Variants in PINX1 observed in about 807,000 individuals in gnomAD.
PINX1 encodes the protein PIN2/TERF1-interacting telomerase inhibitor 1.
PINX1 carries 34 observed loss-of-function variants against 25.4 expected under a neutral mutation model. The observed-to-expected ratio is 1.34, with a 90% confidence interval of 1.02 to 1.78. The LOEUF (loss-of-function observed/expected upper bound fraction) is 1.78, where lower values mean the gene tolerates loss of function less well. Ranked by LOEUF, PINX1 falls within the 40% of genes most tolerant of loss-of-function variation. The pLI, the probability that PINX1 is intolerant of heterozygous loss-of-function variation, is 0.00. For missense variants in PINX1, 592 were observed against 404.9 expected (o/e 1.46, Z -3.97); for synonymous variants, 197 against 147.7 (o/e 1.33, Z -2.42).
intron 6 of PINX1, among the ~76,000 whole-genome samples, chr8:10,800,123 A>G (rs1802219866): frequency 6.6e-6 from 1 of 152,174 alleles, no homozygotes; most frequent in Non-Finnish European, 1.5e-5. Flanking sequence ...TTTTGATGGA[A>G]ATAACATTTT....
At chr8:10,769,555 TCACCCAAAG>T (rs1046141020) in intron 6 of PINX1, among the ~76,000 whole-genome samples, 1 of 152,158 alleles carries the variant, frequency 6.6e-6, no homozygotes, top group Non-Finnish European at 1.5e-5. Flanking sequence ...TGAGGAAGCT[TCACCCAAAG>T]TGATCAGGCC....
rs529713839 is a variant in PINX1 at position 10,817,883 on chromosome 8, C to CT, written c.471+2309dup. 1.2e-3 allele frequency among the ~76,000 whole-genome samples: 189 copies of CT among 152,292 alleles called. 1 individual carries two copies. The highest frequency in any genetic ancestry group is 4.1e-3 in the African/African-American group (171 of 41,560). On this transcript the variant is annotated intron_variant, in intron 6 of 6. Coordinates refer to ENST00000314787, the MANE Select transcript of PINX1 (RefSeq NM_017884.6). ...GCTATCCCCGTGTTCTCAACCCTCGCTCCTTACTGAACGTCAGAATAACTG... is the reference window on the plus strand; with the variant it reads ...GCTATCCCCGTGTTCTCAACCCTCGCTTCCTTACTGAACGTCAGAATAACTG...
In PINX1 at chr8:10,839,748, C is replaced by T; in HGVS notation, c.9G>A (p.Met3Ile). 6.2e-7 allele frequency: 1 copy of T among 1,605,806 alleles called. No individual in the cohort carries two copies. Among genetic ancestry groups the T allele is most frequent in the Non-Finnish European group, 8.5e-7 (1 of 1,176,254 alleles). ...GCTTCCGACACTCACGTTCAGCCAG[C>T]ATAGACATGTCGGAGAGCCTGTGAT... MSMLAERRRKQKW... is the reference protein window; with the variant it reads MSILAERRRKQKW... The change falls in exon 1 of 7, where the codon ATG becomes ATA. Residue 3 changes from methionine to isoleucine, a missense_variant. Physicochemically the swap from Met to Ile is conservative, Grantham distance 10 (BLOSUM62 1). Coordinates refer to ENST00000314787, the MANE Select transcript of PINX1 (RefSeq NM_017884.6).
intron 6 of PINX1, among the ~76,000 whole-genome samples, chr8:10,813,254 G>T (rs977162486): frequency 2.0e-5 from 3 of 152,150 alleles, no homozygotes; most frequent in South Asian, 2.1e-4. Context: ...GATAGGTGCA[G>T]GAAGGGGGAT....
intron 6 of PINX1, among the ~76,000 whole-genome samples, chr8:10,769,567 A>G (rs1801161652): frequency 6.6e-6 from 1 of 152,214 alleles, no homozygotes; most frequent in Admixed American, 6.5e-5. Context: ...ACCCAAAGTG[A>G]TCAGGCCTGG....
At chr8:10,801,379 C>A (rs573003461) in intron 6 of PINX1, among the ~76,000 whole-genome samples, 2 of 152,304 alleles carry the variant, frequency 1.3e-5, no homozygotes, top group South Asian at 4.1e-4. Context: ...CTTAAAGAGT[C>A]TCCAAGTACT....
intron 6 of PINX1, among the ~76,000 whole-genome samples, chr8:10,798,454 A>T (rs906292498): frequency 2.0e-5 from 3 of 152,242 alleles, no homozygotes; most frequent in Admixed American, 2.0e-4. Flanking sequence ...AGTCAATATG[A>T]AGTTACACTT....
chr8:10,797,963 T>C (rs982009069), intron 6 of PINX1, among the ~76,000 whole-genome samples: 4 of 151,900 alleles, frequency 2.6e-5, no homozygotes, highest in African/African-American at 9.7e-5. Flanking sequence ...AAACAGTCCT[T>C]ACTACTTCAC....
At chr8:10,785,364 C>T (rs969406050) in intron 6 of PINX1, among the ~76,000 whole-genome samples, 4 of 152,150 alleles carry the variant, frequency 2.6e-5, no homozygotes, top group African/African-American at 9.7e-5. Context: ...AACCAGTCTA[C>T]GAAAAGATAA....
chr8:10,837,542 G>C (rs1563243005), intron 1 of PINX1, among the ~76,000 whole-genome samples: 2 of 152,202 alleles, frequency 1.3e-5, no homozygotes, highest in African/African-American at 4.8e-5. Context: ...ACACGATCTG[G>C]AACAGCAGTG....
chr8:10,795,187 A>T (rs1290766427), intron 6 of PINX1, among the ~76,000 whole-genome samples: 1 of 152,208 alleles, frequency 6.6e-6, no homozygotes, highest in Non-Finnish European at 1.5e-5. Context: ...GAAGTAAGAA[A>T]ATTCACCAAA....
intron 3 of PINX1, among the ~76,000 whole-genome samples, chr8:10,832,477 C>T (rs1349904883): frequency 1.3e-5 from 2 of 152,172 alleles, no homozygotes; most frequent in African/African-American, 4.8e-5. Flanking sequence ...TTATCTATCC[C>T]TCAACAACTA....
At chr8:10,793,589 T>G (rs1801992210) in intron 6 of PINX1, among the ~76,000 whole-genome samples, 1 of 152,186 alleles carries the variant, frequency 6.6e-6, no homozygotes, top group East Asian at 1.9e-4. Flanking sequence ...GACCATTACC[T>G]TTCTACCAAA....
At chr8:10,828,053 TC>T (rs1181603804) in intron 4 of PINX1, among the ~76,000 whole-genome samples, 1 of 151,882 alleles carries the variant, frequency 6.6e-6, no homozygotes, top group Non-Finnish European at 1.5e-5. Context: ...CTGCAACCCC[TC>T]CCAGGAGTCA....
chr8:10,825,032 G>A (rs1395319854), intron 5 of PINX1, among the ~76,000 whole-genome samples: 1 of 152,162 alleles, frequency 6.6e-6, no homozygotes. Flanking sequence ...CGGAGGAAGC[G>A]GAAGAGCCAC....
At chr8:10,826,279 T>G (rs772520672) in intron 4 of PINX1, 35 bp from the exon 5 acceptor site, 70 of 1,166,030 alleles carry the variant, frequency 6.0e-5, no homozygotes, top group Non-Finnish European at 8.1e-5. Flanking sequence ...ATTAAAGTCT[T>G]TCTAATCCAA....
At chr8:10,801,661 C>G (rs964856334) in intron 6 of PINX1, among the ~76,000 whole-genome samples, 2 of 152,180 alleles carry the variant, frequency 1.3e-5, no homozygotes, top group Non-Finnish European at 2.9e-5. Flanking sequence ...GGCTCAGTGA[C>G]AGAGCTGGGA....
In PINX1 at chr8:10,765,304, G is replaced by T; in HGVS notation, c.*97C>A. ...GGCATGCCACAAGATGCGCCCAGGCGCTCTGGGGTGAACTCTGCTGTGACT... is the reference window on the plus strand; with the variant it reads ...GGCATGCCACAAGATGCGCCCAGGCTCTCTGGGGTGAACTCTGCTGTGACT... On this transcript the variant is annotated 3_prime_UTR_variant, in exon 7 of 7. Transcript: ENST00000314787. 8.4e-7 allele frequency: 1 copy of T among 1,197,464 alleles called. No individual in the cohort carries two copies. Among genetic ancestry groups the T allele is most frequent in the Non-Finnish European group, 1.1e-6 (1 of 879,272 alleles). 74.2% of individuals were successfully genotyped at this position (1,197,464 alleles called of 1,614,324 possible). A position where few individuals can be genotyped will look rare whatever the true frequency, so the allele number is the denominator to read the frequency against.
At chr8:10,770,754 G>A (rs925339870) in intron 6 of PINX1, among the ~76,000 whole-genome samples, 2 of 152,204 alleles carry the variant, frequency 1.3e-5, no homozygotes, top group African/African-American at 4.8e-5. Context: ...CCTTACTACA[G>A]AATCCCCCTA....
Sources: gnomAD v4.1 joint callset for allele counts (sites outside exome capture counted in the v4.1 genomes callset) on GRCh38, gnomAD v4.1.1 for gene constraint, MANE v1.5 for transcripts, NCBI Gene and HGNC (gene_info 2026-07-23, HGNC 2026-07-21) for gene names.